NR2F1-AS1: variants seen among roughly 807,000 people sequenced by gnomAD.
NR2F1-AS1 encodes the protein NR2F1 antisense RNA 1.
At chr5:93,514,430 C>T (rs1172404943) in intron 4 of NR2F1-AS1, among the ~76,000 whole-genome samples, 1 of 152,076 alleles carries the variant, frequency 6.6e-6, no homozygotes, top group Admixed American at 6.6e-5. Context: ...TTTTTACCTC[C>T]AGCACCCATT....
chr5:93,422,008 T>C (rs571238972), intron 4 of NR2F1-AS1, among the ~76,000 whole-genome samples: 43 of 152,312 alleles, frequency 2.8e-4, no homozygotes, highest in African/African-American at 9.4e-4. Context: ...CACCATGACA[T>C]TGATATCACA....
chr5:93,479,427 C>T (rs1750554337), intron 4 of NR2F1-AS1, among the ~76,000 whole-genome samples: 1 of 152,222 alleles, frequency 6.6e-6, no homozygotes, highest in East Asian at 1.9e-4. Context: ...ATGAAGATAA[C>T]AAAACATAGG....
chr5:93,420,522 A>G (rs964178830), intron 4 of NR2F1-AS1, among the ~76,000 whole-genome samples: 1 of 152,216 alleles, frequency 6.6e-6, no homozygotes, highest in East Asian at 1.9e-4. Context: ...GAGACTGCAG[A>G]GTAGACAAGT....
At chr5:93,581,604 GCTCCTCCCGCCTGCCC>G (rs1753034814), upstream of NR2F1-AS1, among the ~76,000 whole-genome samples, 1 of 148,756 alleles carries the variant, frequency 6.7e-6, no homozygotes, top group Admixed American at 6.7e-5. Context: ...CGCGGGACCC[GCTCCTCCCGCCTGCCC>G]CTCCTCCCGC....
intron 4 of NR2F1-AS1, among the ~76,000 whole-genome samples, chr5:93,459,521 A>C (rs1750043675): frequency 1.3e-5 from 2 of 152,216 alleles, no homozygotes; most frequent in African/African-American, 4.8e-5. Flanking sequence ...TGTTTATTTA[A>C]AATTGGTGAA....
At chr5:93,498,219 G>GATA (rs151039264) in intron 4 of NR2F1-AS1, among the ~76,000 whole-genome samples, 7 of 151,476 alleles carry the variant, frequency 4.6e-5, no homozygotes, top group Non-Finnish European at 8.8e-5. Context: ...ACAACCAAAA[G>GATA]ATAATAATAA....
chr5:93,505,320 C>T (rs886805830), intron 4 of NR2F1-AS1, among the ~76,000 whole-genome samples: 8 of 152,140 alleles, frequency 5.3e-5, no homozygotes, highest in African/African-American at 1.9e-4. Context: ...GCTAATGTTG[C>T]GTGTCTGCAG....
intron 4 of NR2F1-AS1, among the ~76,000 whole-genome samples, chr5:93,500,411 G>A (rs1233574816): frequency 1.3e-5 from 2 of 151,820 alleles, no homozygotes; most frequent in Non-Finnish European, 2.9e-5. Flanking sequence ...CAGTACATCT[G>A]TTTACTGCAT....
intron 1 of NR2F1-AS1, among the ~76,000 whole-genome samples, chr5:93,576,102 G>C (rs996225247): frequency 1.3e-5 from 2 of 152,192 alleles, no homozygotes; most frequent in Non-Finnish European, 2.9e-5. Context: ...GAGAAAATAA[G>C]AGTAGATAAA....
intron 4 of NR2F1-AS1, among the ~76,000 whole-genome samples, chr5:93,449,678 A>T (rs189444489): frequency 1.3e-5 from 2 of 152,194 alleles, no homozygotes; most frequent in Non-Finnish European, 2.9e-5. Context: ...AAGGCAAGAA[A>T]AGTGTTTTTA....
intron 1 of NR2F1-AS1, among the ~76,000 whole-genome samples, chr5:93,572,211 ACACT>A (rs377022172): frequency 2.8e-4 from 43 of 152,320 alleles, no homozygotes; most frequent in African/African-American, 1.0e-3. Context: ...GCACGTACAC[ACACT>A]CACACGGGCG....
intron 4 of NR2F1-AS1, among the ~76,000 whole-genome samples, chr5:93,436,531 A>G (rs186679006): frequency 6.6e-6 from 1 of 152,272 alleles, no homozygotes. Context: ...CCACTAACAT[A>G]TTTCAGACAT....
intron 4 of NR2F1-AS1, among the ~76,000 whole-genome samples, chr5:93,483,418 T>C (rs542172561): frequency 6.6e-6 from 1 of 152,048 alleles, no homozygotes; most frequent in Admixed American, 6.6e-5. Flanking sequence ...ACAAAAAGGA[T>C]GTCCACACAG....
chr5:93,455,571 A>T (rs1749927605), intron 4 of NR2F1-AS1, among the ~76,000 whole-genome samples: 1 of 152,204 alleles, frequency 6.6e-6, no homozygotes, highest in South Asian at 2.1e-4. Flanking sequence ...ACTTACTTTA[A>T]ACATAAAGAC....
chr5:93,437,385 TA>T (rs1749458714), intron 4 of NR2F1-AS1, among the ~76,000 whole-genome samples: 3 of 152,228 alleles, frequency 2.0e-5, no homozygotes. Flanking sequence ...AAGTATATTA[TA>T]AAAATTAATT....
chr5:93,585,323 A>G (rs750383609), upstream of NR2F1-AS1: 33 of 1,613,036 alleles, frequency 2.0e-5, no homozygotes, highest in Non-Finnish European at 4.2e-6. Flanking sequence ...ACTACGGCCA[A>G]TTCACCTGCG....
chr5:93,437,708 A>G (rs1749472805), intron 4 of NR2F1-AS1, among the ~76,000 whole-genome samples: 2 of 152,234 alleles, frequency 1.3e-5, no homozygotes, highest in Non-Finnish European at 2.9e-5. Context: ...AGATTCTATC[A>G]TGATGTTTAA....
intron 4 of NR2F1-AS1, among the ~76,000 whole-genome samples, chr5:93,537,296 C>A (rs1017852583): frequency 6.6e-6 from 1 of 151,980 alleles, no homozygotes; most frequent in Non-Finnish European, 1.5e-5. Context: ...AGCAAAAATA[C>A]ACAAATGAGA....
At chr5:93,460,479 G>T (rs1274142931) in intron 4 of NR2F1-AS1, among the ~76,000 whole-genome samples, 1 of 152,160 alleles carries the variant, frequency 6.6e-6, no homozygotes, top group East Asian at 1.9e-4. Flanking sequence ...CAATGAGAAT[G>T]ATGAGTCAGC....
Sources: gnomAD v4.1 joint callset for allele counts (sites outside exome capture counted in the v4.1 genomes callset) on GRCh38, gnomAD v4.1.1 for gene constraint, MANE v1.5 for transcripts, NCBI Gene and HGNC (gene_info 2026-07-23, HGNC 2026-07-21) for gene names.